Variants in ATRN observed in about 807,000 individuals in gnomAD.
The protein encoded by ATRN is attractin.
In ATRN, 54 loss-of-function variants were observed where a neutral mutation model predicts 178.7. The ratio of observed to expected loss-of-function variants is 0.30; its 90% confidence interval spans 0.24 to 0.38. The LOEUF (loss-of-function observed/expected upper bound fraction) is 0.38. Ranked by LOEUF, ATRN falls within the 10% of genes least tolerant of loss-of-function variation. The probability of loss-of-function intolerance (pLI) is 1.00; values close to 1 mark genes in which losing one functional copy is unlikely to be tolerated. For synonymous variants in ATRN, 636 were observed against 663.0 expected (o/e 0.96, Z 0.63); for missense variants, 1,443 against 1,815.1 (o/e 0.79, Z 3.73).
intron 14 of ATRN, 112 bp from the exon 15 acceptor site, chr20:3,578,470 C>G (rs2086240801): frequency 7.4e-6 from 7 of 944,146 alleles, no homozygotes; most frequent in Non-Finnish European, 1.1e-5. Flanking sequence ...AATGAAGTAC[C>G]TAGAATTTAA....
At chr20:3,630,916 CTTTTTTTTTT>C (rs368394749) in intron 25 of ATRN, among the ~76,000 whole-genome samples, 20 of 43,452 alleles carry the variant, frequency 4.6e-4, no homozygotes, top group African/African-American at 2.0e-3. Flanking sequence ...ATTTATTTAG[CTTTTTTTTTT>C]TTTTTTTTTT....
chr20:3,508,819 G>C (rs900016855), intron 1 of ATRN, among the ~76,000 whole-genome samples: 15 of 152,180 alleles, frequency 9.9e-5, no homozygotes, highest in African/African-American at 3.6e-4. Flanking sequence ...AGCACAAGCA[G>C]CTGGTATAGG....
intron 11 of ATRN, among the ~76,000 whole-genome samples, chr20:3,568,028 C>T (rs1035600295): frequency 2.6e-5 from 4 of 152,168 alleles, no homozygotes; most frequent in Admixed American, 2.6e-4. Flanking sequence ...TAGTGGCTCA[C>T]GCTTGTAATC....
At chr20:3,549,430 T>C in intron 6 of ATRN, 92 bp downstream of exon 6, 1 of 1,110,416 alleles carries the variant, frequency 9.0e-7, no homozygotes, top group South Asian at 2.0e-5. Flanking sequence ...CACCAGTCAT[T>C]CTACTACCTA....
At chr20:3,588,989 T>TTTG (rs1419654223) in intron 18 of ATRN, among the ~76,000 whole-genome samples, 2,257 of 137,738 alleles carry the variant, frequency 0.016, 106 homozygotes, top group African/African-American at 0.057. Context: ...TTGTTTTTTT[T>TTTG]TTTTTTTTTT....
chr20:3,472,025 A>G (rs1331232634), intron 1 of ATRN, among the ~76,000 whole-genome samples: 2 of 152,090 alleles, frequency 1.3e-5, no homozygotes, highest in East Asian at 3.9e-4. Context: ...GCATTGTAAG[A>G]TATTAGGGAT....
chr20:3,494,705 G>A (rs1316032387), intron 1 of ATRN, among the ~76,000 whole-genome samples: 1 of 152,112 alleles, frequency 6.6e-6, no homozygotes, highest in Non-Finnish European at 1.5e-5. Flanking sequence ...TTTGATATAG[G>A]GAATATAAGT....
At chr20:3,491,020 A>G (rs2084785623) in intron 1 of ATRN, 1 of 1,333,370 alleles carries the variant, frequency 7.5e-7, no homozygotes, top group South Asian at 1.2e-5. Flanking sequence ...CTTTAGCCGC[A>G]GCCTCTCTTA....
intron 21 of ATRN, among the ~76,000 whole-genome samples, chr20:3,597,071 T>TATATATATATATATATATAA (rs11087589): frequency 0.24 from 31,670 of 133,296 alleles, 4,556 homozygotes; most frequent in South Asian, 0.4. Flanking sequence ...TATATATATA[T>TATATATATATATATATATAA]ATAAAACTTC....
At chr20:3,604,707 G>A (rs1568759443) in intron 24 of ATRN, among the ~76,000 whole-genome samples, 1 of 152,212 alleles carries the variant, frequency 6.6e-6, no homozygotes. Context: ...GACAAATGGG[G>A]AGACTATGTT....
At chr20:3,589,562 C>T (rs2086409720) in intron 18 of ATRN, among the ~76,000 whole-genome samples, 1 of 152,022 alleles carries the variant, frequency 6.6e-6, no homozygotes, top group Admixed American at 6.6e-5. Context: ...GGATTTGTTG[C>T]TGTGCGTGTT....
At chr20:3,566,904 CAAAAA>C (rs33920660) in intron 11 of ATRN, among the ~76,000 whole-genome samples, 35 of 86,464 alleles carry the variant, frequency 4.0e-4, no homozygotes, top group Non-Finnish European at 5.7e-4. Context: ...GACTCCATCT[CAAAAA>C]AAAAAAAAAA....
Position 3,604,233 on chromosome 20 carries a change from A to G in ATRN, c.3772A>G (p.Ser1258Gly). 1.9e-6 allele frequency: 3 copies of G among 1,609,146 alleles called. No individual in the cohort carries two copies. The highest frequency in any genetic ancestry group is 1.7e-6 in the Non-Finnish European group (2 of 1,178,686). Residue 1258 changes from serine (S) to glycine (G), a missense_variant, in exon 24 of 29, where the codon AGT (serine) becomes GGT (glycine). By Grantham distance (56) the Ser-to-Gly change is moderately conservative. This residue lies in a region of ATRN where 289 missense variants were observed against 440.8 expected (regional missense o/e 0.66). Transcript: ENST00000262919. ...HPNITFFVYV[S>G]NFTWPIKIQI... ...AAATATCACTTTCTTTGTTTATGTC[A>G]GTAATTTCACCTGGCCCATCAAAAT...
intron 1 of ATRN, among the ~76,000 whole-genome samples, chr20:3,499,943 AG>A (rs2084933440): frequency 6.6e-6 from 1 of 151,902 alleles, no homozygotes; most frequent in Non-Finnish European, 1.5e-5. Flanking sequence ...CATCTGACAA[AG>A]GGCTAATATC....
intron 1 of ATRN, among the ~76,000 whole-genome samples, chr20:3,472,756 G>C (rs1442092328): frequency 3.3e-5 from 5 of 152,222 alleles, no homozygotes; most frequent in Non-Finnish European, 2.9e-5. Flanking sequence ...GGACTTTGAG[G>C]AGGCGGTAAC....
At chr20:3,596,986 A>G (rs2086539129) in intron 21 of ATRN, among the ~76,000 whole-genome samples, 1 of 150,824 alleles carries the variant, frequency 6.6e-6, no homozygotes, top group African/African-American at 2.4e-5. Context: ...CATTGTAATT[A>G]TATACCTGCT....
rs556460615 is a variant in ATRN, at chr20:3,579,231, A to G, written c.2544+459A>G. On this transcript the variant is annotated intron_variant, in intron 15 of 28. Coordinates refer to ENST00000262919, the MANE Select transcript of ATRN (RefSeq NM_139321.3). ...CTGGATGTGGTGGCTCACACCTGTAATCCCAGCACTTTGGGAGGCTGAGGT... is the reference window on the plus strand; with the variant it reads ...CTGGATGTGGTGGCTCACACCTGTAGTCCCAGCACTTTGGGAGGCTGAGGT... Among the ~76,000 whole-genome samples the G allele has an allele frequency of 6.6e-5, 10 of 152,290 alleles. No individual in the cohort carries two copies. In the South Asian group the frequency reaches 2.1e-3, roughly 32 times the overall value.
chr20:3,547,983 C>T (rs540020148), intron 5 of ATRN, among the ~76,000 whole-genome samples: 1 of 152,108 alleles, frequency 6.6e-6, no homozygotes, highest in Non-Finnish European at 1.5e-5. Context: ...TGTAAACTTA[C>T]CCCTTCCTCA....
rs143136989 is a variant in ATRN at position 3,645,312 on chromosome 20, C to G, written c.4165+1044C>G. Among the ~76,000 whole-genome samples the G allele has an allele frequency of 1.2e-4, 19 of 152,380 alleles. No homozygotes were observed. Among genetic ancestry groups the G allele is most frequent in the African/African-American group, 4.3e-4 (18 of 41,592 alleles). ...TTAGAATGGTTAGGATCTATAGTAT[C>G]TTCACGAGGGAGGCCTTTCGACATG... On this transcript the variant is annotated intron_variant, in intron 28 of 28. Coordinates refer to ENST00000262919, the MANE Select transcript of ATRN (RefSeq NM_139321.3). The surrounding 1 kb of genome is among the most constrained non-coding windows in gnomAD (Gnocchi z 4.7).
Sources: allele counts gnomAD v4.1 joint callset (sites outside exome capture counted in the v4.1 genomes callset), GRCh38; gene constraint gnomAD v4.1.1; regional missense constraint gnomAD v4.1.1; non-coding constraint Gnocchi (gnomAD v3.1); transcripts MANE v1.5; gene names NCBI Gene and HGNC (gene_info 2026-07-23, HGNC 2026-07-21).